Variants in RERE observed in about 807,000 individuals in gnomAD.
The protein encoded by RERE is arginine-glutamic acid dipeptide repeats protein.
Under a neutral mutation model 146.1 loss-of-function variants are expected in RERE, and 40 were observed. That is an observed-to-expected ratio of 0.27 (90% confidence interval 0.21 to 0.36). The LOEUF (loss-of-function observed/expected upper bound fraction) is 0.36. Ranked by LOEUF, RERE falls within the 10% of genes least tolerant of loss-of-function variation. RERE has a pLI of 1.00. For missense variants in RERE, 1,933 were observed against 2,138.7 expected (o/e 0.90, Z 1.90); for synonymous variants, 1,003 against 866.0 (o/e 1.16, Z -2.78).
intron 1 of RERE, among the ~76,000 whole-genome samples, chr1:8,663,016 A>G (rs532194747): frequency 6.6e-6 from 1 of 152,268 alleles, no homozygotes; most frequent in African/African-American, 2.4e-5. Context: ...GTCATGATTT[A>G]CATCTACTAT....
intron 1 of RERE, chr1:8,786,620 T>C (rs1335635923): frequency 2.6e-6 from 2 of 767,736 alleles, no homozygotes; most frequent in Non-Finnish European, 4.8e-6. Flanking sequence ...TGCAACACCT[T>C]TCAGACCTCT....
At chr1:8,803,592 G>GT (rs1223141805) in intron 1 of RERE, among the ~76,000 whole-genome samples, 4 of 152,210 alleles carry the variant, frequency 2.6e-5, no homozygotes, top group Middle Eastern at 3.4e-3. Flanking sequence ...CTGGTTTTCT[G>GT]TTTTTTTGAG....
intron 1 of RERE, among the ~76,000 whole-genome samples, chr1:8,795,023 C>A (rs1439035214): frequency 1.3e-5 from 2 of 151,944 alleles, no homozygotes; most frequent in Non-Finnish European, 2.9e-5. Context: ...CCTATGTTAC[C>A]CAGACTGTCT....
chr1:8,441,950 T>TTTTTTTTTTGAGAC (rs1295131605), intron 11 of RERE, among the ~76,000 whole-genome samples: 3 of 151,488 alleles, frequency 2.0e-5, no homozygotes, highest in Non-Finnish European at 4.4e-5. Context: ...CACTTTTTGT[T>TTTTTTTTTTGAGAC]GCAGGGAAGT....
At chr1:8,693,353 C>T (rs1411098616) in intron 1 of RERE, among the ~76,000 whole-genome samples, 2 of 152,134 alleles carry the variant, frequency 1.3e-5, no homozygotes, top group East Asian at 3.9e-4. Flanking sequence ...AGATGTCCTT[C>T]GGTAGGTAAG....
chr1:8,369,508 T>TAAAAAAAAAAAAAAAAAAAAAAAAA (rs1186718390), intron 12 of RERE, among the ~76,000 whole-genome samples: 16 of 76,888 alleles, frequency 2.1e-4, no homozygotes, highest in African/African-American at 6.3e-4. Context: ...CGCCTTTTAC[T>TAAAAAAAAAAAAAAAAAAAAAAAAA]AAAAAAAAAA....
intron 1 of RERE, among the ~76,000 whole-genome samples, chr1:8,747,213 G>A (rs1640440656): frequency 6.6e-6 from 1 of 152,062 alleles, no homozygotes; most frequent in African/African-American, 2.4e-5. Flanking sequence ...ATGTTAACCT[G>A]GATGGTCTCG....
intron 7 of RERE, among the ~76,000 whole-genome samples, chr1:8,518,114 A>G (rs1253134048): frequency 6.6e-6 from 1 of 152,222 alleles, no homozygotes; most frequent in Non-Finnish European, 1.5e-5. Context: ...AAGACGCCCA[A>G]AGATCTCTAT....
chr1:8,480,281 G>A (rs11121186), intron 10 of RERE, among the ~76,000 whole-genome samples: 95,853 of 150,202 alleles, frequency 0.64, 30,934 homozygotes, highest in East Asian at 0.83. Context: ...CTGAGATTAC[G>A]GGTGTGCACC....
At chr1:8,759,569 C>T (rs1038492356) in intron 1 of RERE, among the ~76,000 whole-genome samples, 1 of 152,190 alleles carries the variant, frequency 6.6e-6, no homozygotes, top group African/African-American at 2.4e-5. Context: ...TCTTTCTTCT[C>T]TCCTTTGGAG....
rs74740842 is a variant in RERE at position 8,618,515 on chromosome 1, C to T, written c.397-3829G>A. On this transcript the variant is annotated intron_variant, in intron 3 of 22. Transcript: ENST00000400908. Reference sequence around the variant, plus strand: ...ATTATGTGCACCTTCCTGCCCACCCCCCAACCAAAAAAGGGCTCTAATGCA... The same window carrying T: ...ATTATGTGCACCTTCCTGCCCACCCTCCAACCAAAAAAGGGCTCTAATGCA... Among the ~76,000 whole-genome samples the T allele has an allele frequency of 5.9e-3, 902 of 152,228 alleles. 7 individuals are homozygous for T. The highest frequency in any genetic ancestry group is 0.021 in the African/African-American group (877 of 41,528).
chr1:8,715,579 AG>A (rs1056920729), intron 1 of RERE, among the ~76,000 whole-genome samples: 14 of 151,946 alleles, frequency 9.2e-5, no homozygotes, highest in Non-Finnish European at 2.1e-4. Context: ...CACAATGAGA[AG>A]GAAGAGGAAG....
chr1:8,768,270 C>T (rs1422007194), intron 1 of RERE, among the ~76,000 whole-genome samples: 2 of 152,182 alleles, frequency 1.3e-5, no homozygotes, highest in Non-Finnish European at 2.9e-5. Context: ...TGTACTTACA[C>T]AGGAATACTC....
At chr1:8,748,019 C>A (rs1640457447) in intron 1 of RERE, among the ~76,000 whole-genome samples, 1 of 152,086 alleles carries the variant, frequency 6.6e-6, no homozygotes, top group African/African-American at 2.4e-5. Flanking sequence ...CTCAAGTGAT[C>A]CGCCCACCTC....
chr1:8,773,612 T>C (rs993130257), intron 1 of RERE, among the ~76,000 whole-genome samples: 21 of 152,034 alleles, frequency 1.4e-4, no homozygotes, highest in African/African-American at 5.1e-4. Flanking sequence ...AATCACAAGG[T>C]GAGGAGTTCG....
chr1:8,786,229 G>A, intron 1 of RERE: 1 of 928,452 alleles, frequency 1.1e-6, no homozygotes, highest in South Asian at 1.3e-5. Flanking sequence ...CTGTGGATCT[G>A]GTCCTCCCTG....
At chr1:8,453,073 A>C (rs1386915442) in intron 11 of RERE, among the ~76,000 whole-genome samples, 1 of 152,200 alleles carries the variant, frequency 6.6e-6, no homozygotes, top group Non-Finnish European at 1.5e-5. Context: ...GATATTTAAA[A>C]AGAGAGGGAG....
chr1:8,516,309 TACTA>T (rs1645417792), intron 7 of RERE, among the ~76,000 whole-genome samples: 1 of 149,792 alleles, frequency 6.7e-6, no homozygotes, highest in Non-Finnish European at 1.5e-5. Flanking sequence ...AGCTATCAAT[TACTA>T]AGTGCTTTCT....
intron 1 of RERE, among the ~76,000 whole-genome samples, chr1:8,687,559 C>T (rs1481506158): frequency 6.6e-6 from 1 of 152,174 alleles, no homozygotes; most frequent in East Asian, 1.9e-4. Flanking sequence ...TGACTTTCTA[C>T]TATAAATAAA....
Sources: gnomAD v4.1 joint callset for allele counts (sites outside exome capture counted in the v4.1 genomes callset) on GRCh38, gnomAD v4.1.1 for gene constraint, MANE v1.5 for transcripts, NCBI Gene and HGNC (gene_info 2026-07-23, HGNC 2026-07-21) for gene names.